GALNT17: variants seen among roughly 807,000 people sequenced by gnomAD.
GALNT17 encodes polypeptide N-acetylgalactosaminyltransferase 17.
In GALNT17, 29 loss-of-function variants were observed where a neutral mutation model predicts 63.7. The observed-to-expected ratio is 0.46, with a 90% CI of 0.34 to 0.62. The LOEUF is 0.62. Among genes scored for constraint, GALNT17 ranks in the 20% least tolerant of loss-of-function variants. The pLI, the probability that GALNT17 is intolerant of heterozygous loss-of-function variation, is 0.01. For synonymous variants in GALNT17, 305 were observed against 318.3 expected (o/e 0.96, Z 0.45); for missense variants, 603 against 799.6 (o/e 0.75, Z 2.97).
At chr7:71,512,014 C>CTTTTT (rs11409175) in intron 5 of GALNT17, among the ~76,000 whole-genome samples, 17 of 131,492 alleles carry the variant, frequency 1.3e-4, no homozygotes, top group African/African-American at 4.6e-4. Flanking sequence ...GGGTTCCAGC[C>CTTTTT]TTTTTTTTTT....
intron 9 of GALNT17, among the ~76,000 whole-genome samples, chr7:71,701,883 A>C (rs1099473): frequency 9.8e-6 from 1 of 101,770 alleles, no homozygotes; most frequent in African/African-American, 4.2e-5. Flanking sequence ...ATATATATGT[A>C]TATATATATA....
intron 1 of GALNT17, among the ~76,000 whole-genome samples, chr7:71,155,424 C>T (rs1277886449): frequency 6.6e-6 from 1 of 151,584 alleles, no homozygotes; most frequent in Non-Finnish European, 1.5e-5. Flanking sequence ...CGGATGTGCA[C>T]CACCATGCCT....
chr7:71,240,901 T>A (rs2116467090), intron 1 of GALNT17, among the ~76,000 whole-genome samples: 1 of 152,254 alleles, frequency 6.6e-6, no homozygotes, highest in African/African-American at 2.4e-5. Context: ...CCTGACCTCG[T>A]GATCCGCCTG....
chr7:71,459,291 C>G (rs755550274), intron 5 of GALNT17, among the ~76,000 whole-genome samples: 1 of 152,112 alleles, frequency 6.6e-6, no homozygotes, highest in Non-Finnish European at 1.5e-5. Context: ...CAGACAGAAA[C>G]AGCTGGGCTG....
At chr7:71,246,946 G>A (rs1790110329) in intron 1 of GALNT17, among the ~76,000 whole-genome samples, 1 of 144,864 alleles carries the variant, frequency 6.9e-6, no homozygotes, top group African/African-American at 2.5e-5. Flanking sequence ...TGACTTTTTG[G>A]GGGGAGGGGG....
intron 4 of GALNT17, among the ~76,000 whole-genome samples, chr7:71,419,612 C>T (rs1786620996): frequency 6.6e-6 from 1 of 151,964 alleles, no homozygotes; most frequent in African/African-American, 2.4e-5. Flanking sequence ...GGTACTTGGT[C>T]TTGGGACCAG....
At chr7:71,163,804 T>C (rs1173059879) in intron 1 of GALNT17, among the ~76,000 whole-genome samples, 1 of 152,290 alleles carries the variant, frequency 6.6e-6, no homozygotes, top group Non-Finnish European at 1.5e-5. Context: ...TTGATGCAGA[T>C]CGAAAAGGGA....
chr7:71,706,187 A>G (rs1791720153), intron 9 of GALNT17, among the ~76,000 whole-genome samples: 1 of 152,180 alleles, frequency 6.6e-6, no homozygotes, highest in South Asian at 2.1e-4. Context: ...ACCTATGCAC[A>G]TGACCCAGTA....
chr7:71,343,037 C>T (rs1317232714), intron 2 of GALNT17, among the ~76,000 whole-genome samples: 2 of 152,138 alleles, frequency 1.3e-5, no homozygotes, highest in African/African-American at 4.8e-5. Flanking sequence ...AATTTGAGAG[C>T]CCATAGGCCA....
At chr7:71,414,614 G>A (rs999035518) in intron 3 of GALNT17, among the ~76,000 whole-genome samples, 1 of 152,130 alleles carries the variant, frequency 6.6e-6, no homozygotes, top group African/African-American at 2.4e-5. Context: ...TTTGATACCC[G>A]GATGTGGTGA....
rs180828445 is a variant in GALNT17 at position 71,140,701 on chromosome 7, G to A, written c.238+7661G>A. On this transcript the variant is annotated intron_variant, in intron 1 of 10. Coordinates refer to ENST00000333538, the MANE Select transcript of GALNT17 (RefSeq NM_022479.3). ...CAAGGCCAGCGAAGAAACAACCTAC[G>A]ATTAGATGACCTGCGAGTCTTTAAG... Among the ~76,000 whole-genome samples, 395 of 152,296 alleles carry A rather than the reference G, an allele frequency of 2.6e-3. 3 individuals are homozygous for A. The highest frequency in any genetic ancestry group is 3.0e-3 in the Non-Finnish European group (204 of 68,028).
At chr7:71,140,972 G>T (rs1198838689) in intron 1 of GALNT17, among the ~76,000 whole-genome samples, 1 of 152,134 alleles carries the variant, frequency 6.6e-6, no homozygotes, top group African/African-American at 2.4e-5. Flanking sequence ...AGTGAGCCAT[G>T]ATTGCATCAC....
intron 3 of GALNT17, among the ~76,000 whole-genome samples, chr7:71,398,255 G>A (rs1583918443): frequency 1.3e-5 from 2 of 151,648 alleles, no homozygotes; most frequent in South Asian, 4.2e-4. Context: ...ATTCTAGTTT[G>A]GGGCCTCCTA....
At chr7:71,708,717 C>T (rs936709199) in intron 9 of GALNT17, among the ~76,000 whole-genome samples, 4 of 152,186 alleles carry the variant, frequency 2.6e-5, no homozygotes, top group African/African-American at 9.7e-5. Context: ...CTTTCTCCCT[C>T]CCTCCTTTTG....
chr7:71,201,733 G>A (rs1465167886), intron 1 of GALNT17, among the ~76,000 whole-genome samples: 1 of 151,668 alleles, frequency 6.6e-6, no homozygotes, highest in African/African-American at 2.4e-5. Flanking sequence ...CCGGGTTCAA[G>A]CAATTCGCCT....
At chr7:71,711,546 CCTCT>C (rs1379725693) in intron 10 of GALNT17, among the ~76,000 whole-genome samples, 1 of 149,102 alleles carries the variant, frequency 6.7e-6, no homozygotes. Flanking sequence ...CCTCTGTCTC[CCTCT>C]CTCTGCCTCT....
intron 1 of GALNT17, among the ~76,000 whole-genome samples, chr7:71,256,262 T>A (rs985269369): frequency 5.9e-5 from 9 of 152,190 alleles, no homozygotes; most frequent in African/African-American, 2.2e-4. Flanking sequence ...GCCTGTTGTC[T>A]CCCTACAATG....
chr7:71,178,982 A>G (rs1033640168), intron 1 of GALNT17, among the ~76,000 whole-genome samples: 6 of 152,096 alleles, frequency 3.9e-5, no homozygotes, highest in Non-Finnish European at 8.8e-5. Flanking sequence ...GAGACTCTGG[A>G]TCCTGCTATA....
At chr7:71,380,531 A>G (rs1327593653) in intron 2 of GALNT17, among the ~76,000 whole-genome samples, 1 of 152,072 alleles carries the variant, frequency 6.6e-6, no homozygotes, top group Non-Finnish European at 1.5e-5. Flanking sequence ...TTTGTCGCCC[A>G]GGCTGGTCTC....
Sources: gnomAD v4.1 joint callset for allele counts (sites outside exome capture counted in the v4.1 genomes callset) on GRCh38, gnomAD v4.1.1 for gene constraint, MANE v1.5 for transcripts, NCBI Gene and HGNC (gene_info 2026-07-23, HGNC 2026-07-21) for gene names.